The following RBP3 variants were observed in gnomAD, a reference collection of about 807,000 sequenced individuals.
The protein encoded by RBP3 is retinol-binding protein 3.
A neutral mutation model predicts 64.8 loss-of-function variants in RBP3; 50 were observed. The ratio of observed to expected loss-of-function variants is 0.77; its 90% CI spans 0.61 to 0.98. The LOEUF is 0.98. Among genes scored for constraint, RBP3 ranks in the 50% least tolerant of loss-of-function variants. RBP3 has a pLI of 0.00. For synonymous variants in RBP3, 828 were observed against 730.2 expected (o/e 1.13, Z -2.16); for missense variants, 1,712 against 1,660.5 (o/e 1.03, Z -0.54).
rs782036683 is a variant in RBP3, at chr10:47,352,065, C to A, written c.3054+527C>A. On this transcript the variant is annotated intron_variant, in intron 1 of 3. Coordinates refer to ENST00000584701, the MANE Select transcript of RBP3 (RefSeq NM_002900.3). The stretch of plus-strand genomic sequence containing the variant: ...CTGTTCTACCTGTGGTCTGCTGCAT[C>A]GTCACAATTGGGCAGGGCAGCATTT... 2.0e-5 allele frequency among the ~76,000 whole-genome samples: 3 copies of A among 152,232 alleles called. No individual in the cohort carries two copies. The East Asian group carries it at 5.8e-4, about 29-fold the overall frequency.
chr10:47,355,330 C>T (rs368420607), intron 2 of RBP3, 46 bp from the exon 3 acceptor site: 5 of 1,612,020 alleles, frequency 3.1e-6, no homozygotes, highest in Non-Finnish European at 4.2e-6. Context: ...CACAGGGCCT[C>T]ACTGTGAGCT....
chr10:47,348,666 T>G lies in RBP3; in HGVS notation c.182T>G (p.Ile61Ser). The G allele has an allele frequency of 6.2e-7, 1 of 1,613,566 alleles. No homozygotes were observed. Among genetic ancestry groups the G allele is most frequent in the Non-Finnish European group, 8.5e-7 (1 of 1,179,994 alleles). Residue 61 changes from isoleucine to serine, a missense_variant, in exon 1 of 4, where the codon ATT (isoleucine) becomes AGT (serine). By Grantham distance (142) the Ile-to-Ser change is moderately radical (BLOSUM62 -2). Transcript: ENST00000584701. ...CAGCAGGCCATCAAGAGCCATGAGA[T>G]TCTGAGCATCTCAGACCCGCAGACG... ...AIQQAIKSHEILSISDPQTLA... is the reference protein window; with the variant it reads ...AIQQAIKSHESLSISDPQTLA...
In RBP3 at chr10:47,357,317, G is replaced by T; in HGVS notation, c.3604G>T (p.Asp1202Tyr). ...CACGGCCCGTTCTGTGGGGGCCTCG[G>T]ATGGCAGCTCCTGGGAAGGGGTGGG... ...IPTARSVGAS[D>Y]GSSWEGVGVT... The change falls in exon 4 of 4, where the codon GAT becomes TAT. Residue 1202 changes from aspartate (D) to tyrosine (Y), a missense_variant. By Grantham distance (160) the Asp-to-Tyr change is radical (BLOSUM62 -3). Coordinates refer to ENST00000584701, the MANE Select transcript of RBP3 (RefSeq NM_002900.3). 6.2e-7 allele frequency: 1 copy of T among 1,614,172 alleles called. No homozygotes were observed. The highest frequency in any genetic ancestry group is 1.1e-5 in the South Asian group (1 of 91,082).
At position 47,355,483 on chromosome 10, in the gene RBP3, C is replaced by CT. The variant is rs781793052; in HGVS notation, c.3354dup (p.Val1119CysfsTer3). ...AAGATCTACAGCCGGCCTGATGACTCTGTCAGTGAACTCTGGACACACGCC... is the reference window on the plus strand; with the variant it reads ...AAGATCTACAGCCGGCCTGATGACTCTTGTCAGTGAACTCTGGACACACGCC... On this transcript the variant is annotated frameshift_variant, in exon 3 of 4. Transcript: ENST00000584701. LOFTEE classifies it low-confidence loss of function (END_TRUNC). 1 of 1,614,224 alleles carries CT rather than the reference C, an allele frequency of 6.2e-7. No individual in the cohort carries two copies. Among genetic ancestry groups the CT allele is most frequent in the East Asian group, 2.2e-5 (1 of 44,882 alleles).
rs1555210937 is a variant in RBP3 at position 47,349,007 on chromosome 10, G to T, written c.523G>T (p.Gly175Cys). ...LVLDLRHCTG[G>C]QVSGIPYIIS... ...GCTGGATCTCCGGCACTGCACAGGA[G>T]GCCAGGTCTCTGGCATTCCCTACAT... is the stretch of plus-strand genomic sequence containing the variant. The change falls in exon 1 of 4, where the codon GGC becomes TGC. Residue 175 changes from glycine (G) to cysteine (C), a missense_variant. Gly to Cys is a radical substitution (Grantham distance 159). Transcript: ENST00000584701. The T allele has an allele frequency of 6.2e-7, 1 of 1,613,908 alleles. No homozygotes were observed. Among genetic ancestry groups the T allele is most frequent in the East Asian group, 2.2e-5 (1 of 44,874 alleles).
Position 47,355,442 on chromosome 10 carries a change from T to C in RBP3, c.3312T>C (p.Pro1104=). ...GCTCCTACTTCTTTGATGAAGGCCCTCCAGTTCTGCTGGACAAGATCTACA... is the reference window on the plus strand; with the variant it reads ...GCTCCTACTTCTTTGATGAAGGCCCCCCAGTTCTGCTGGACAAGATCTACA... ...ILCSYFFDEG[P]PVLLDKIYSR... Residue 1104 remains proline, a synonymous_variant, in exon 3 of 4, where the codon CCT becomes CCC. Transcript: ENST00000584701. The C allele has an allele frequency of 6.2e-7, 1 of 1,614,160 alleles. No individual in the cohort carries two copies.
In RBP3 at chr10:47,348,900, C is replaced by T. The variant is rs147118201; in HGVS notation, c.416C>T (p.Pro139Leu). The T allele has an allele frequency of 6.2e-5, 100 of 1,613,714 alleles. No individual in the cohort carries two copies. The African/African-American group carries it at 8.7e-4, about 14-fold the overall frequency. Reference sequence around the variant, plus strand: ...GGCTACCTGCGGGTGGACAGCGTCCCGGGCCAGGAGGTGCTGAGCATGATG... The same window carrying T: ...GGCTACCTGCGGGTGGACAGCGTCCTGGGCCAGGAGGTGCTGAGCATGATG... ...NVGYLRVDSV[P>L]GQEVLSMMGE... The change falls in exon 1 of 4, where the codon CCG becomes CTG. Residue 139 changes from proline to leucine, a missense_variant. Pro to Leu is a moderately conservative substitution (Grantham distance 98). Coordinates refer to ENST00000584701, the MANE Select transcript of RBP3 (RefSeq NM_002900.3).
rs777713935 is a variant in RBP3, at chr10:47,357,303, C to T, written c.3590C>T (p.Ser1197Phe). ...TACCTCACTATCCCCACGGCCCGTT[C>T]TGTGGGGGCCTCGGATGGCAGCTCC... Reference protein sequence around the residue: ...NLYLTIPTARSVGASDGSSWE... With the variant: ...NLYLTIPTARFVGASDGSSWE... The change falls in exon 4 of 4, where the codon TCT becomes TTT. Residue 1197 changes from serine to phenylalanine, a missense_variant. By Grantham distance (155) the Ser-to-Phe change is radical. Transcript: ENST00000584701. 2.5e-6 allele frequency: 4 copies of T among 1,614,060 alleles called. No homozygotes were observed. Among genetic ancestry groups the T allele is most frequent in the Non-Finnish European group, 3.4e-6 (4 of 1,180,050 alleles).
Position 47,349,808 on chromosome 10 carries a change from C to G in RBP3, c.1324C>G (p.Leu442Val). The change falls in exon 1 of 4, where the codon CTG becomes GTG. Residue 442 changes from leucine to valine, a missense_variant. Coordinates refer to ENST00000584701, the MANE Select transcript of RBP3 (RefSeq NM_002900.3). ...GGTGCTGCCAGGCAATGTGGGCTAC[C>G]TGCGCTTCGATAGTTTTGCTGACGC... is the stretch of plus-strand genomic sequence containing the variant. ...VSVLPGNVGYLRFDSFADASV... is the reference protein window; with the variant it reads ...VSVLPGNVGYVRFDSFADASV... 6.2e-7 allele frequency: 1 copy of G among 1,613,286 alleles called. No homozygotes were observed. Among genetic ancestry groups the G allele is most frequent in the Non-Finnish European group, 8.5e-7 (1 of 1,180,032 alleles).
chr10:47,350,821 G>T lies in RBP3; in HGVS notation c.2337G>T (p.Val779=). 6.2e-7 allele frequency: 1 copy of T among 1,613,054 alleles called. No homozygotes were observed. The highest frequency in any genetic ancestry group is 1.1e-5 in the South Asian group (1 of 91,084). Residue 779 remains valine (V), a synonymous_variant, in exon 1 of 4, where the codon GTG becomes GTT. Coordinates refer to ENST00000584701, the MANE Select transcript of RBP3 (RefSeq NM_002900.3). The part of the protein sequence containing the change: ...WQQLVDTAAL[V]IDLRYNPGSY... Reference sequence around the variant, plus strand: ...AGCTGGTGGACACGGCTGCGCTGGTGATCGACCTGCGCTACAACCCTGGCA... The same window carrying T: ...AGCTGGTGGACACGGCTGCGCTGGTTATCGACCTGCGCTACAACCCTGGCA...
Position 47,349,435 on chromosome 10 carries a change from G to A in RBP3, c.951G>A (p.Leu317=), listed in dbSNP as rs782668255. ...CCGAGCAGGCCCTGGAGAAAGCCCT[G>A]GCCATCCTCACTCTGCGCAGCGCCC... The part of the protein sequence containing the change: ...TPAEQALEKA[L]AILTLRSALP... Residue 317 remains leucine (L), a synonymous_variant, in exon 1 of 4, where the codon CTG becomes CTA. Coordinates refer to ENST00000584701, the MANE Select transcript of RBP3 (RefSeq NM_002900.3). 3 of 1,612,332 alleles carry A rather than the reference G, an allele frequency of 1.9e-6. No homozygotes were observed. The highest frequency in any genetic ancestry group is 2.5e-6 in the Non-Finnish European group (3 of 1,180,014).
At position 47,357,635 on chromosome 10, in the gene RBP3, T is replaced by C; in HGVS notation, c.*178T>C. 1.7e-6 allele frequency: 1 copy of C among 587,252 alleles called. No individual in the cohort carries two copies. Among genetic ancestry groups the C allele is most frequent in the East Asian group, 2.8e-5 (1 of 35,560 alleles). 36.4% of individuals were successfully genotyped at this position (587,252 alleles called of 1,614,324 possible). A position where few individuals can be genotyped will look rare whatever the true frequency, so the allele number is the denominator to read the frequency against. On this transcript the variant is annotated 3_prime_UTR_variant, in exon 4 of 4. Coordinates refer to ENST00000584701, the MANE Select transcript of RBP3 (RefSeq NM_002900.3). ...ACACACACACACATGTATATACACA[T>C]ATATATGTGTATGTATATATATGTA...
rs781864925 is a variant in RBP3, at chr10:47,349,832, G to A, written c.1348G>A (p.Ala450Thr). Residue 450 changes from alanine to threonine, a missense_variant, in exon 1 of 4, where the codon GCC becomes ACC. Transcript: ENST00000584701. ...GYLRFDSFAD[A>T]SVLGVLAPYV... ...CCTGCGCTTCGATAGTTTTGCTGAC[G>A]CCTCCGTCCTGGGTGTGTTGGCCCC... 6.2e-6 allele frequency: 10 copies of A among 1,613,050 alleles called. No homozygotes were observed. The highest frequency in any genetic ancestry group is 2.2e-5 in the South Asian group (2 of 91,090).
rs199588885 is a variant in RBP3 at position 47,348,956 on chromosome 10, A to T, written c.472A>T (p.Asn158Tyr). ...GTTCCTGGTGGCCCACGTGTGGGGGAATCTCATGGGCACCTCCGCCTTAGT... is the reference window on the plus strand; with the variant it reads ...GTTCCTGGTGGCCCACGTGTGGGGGTATCTCATGGGCACCTCCGCCTTAGT... ...GEFLVAHVWG[N>Y]LMGTSALVLD... The change falls in exon 1 of 4, where the codon AAT (asparagine) becomes TAT (tyrosine). Residue 158 changes from asparagine to tyrosine, a missense_variant. Coordinates refer to ENST00000584701, the MANE Select transcript of RBP3 (RefSeq NM_002900.3). 1.9e-5 allele frequency: 30 copies of T among 1,613,556 alleles called. No homozygotes were observed. The Admixed American group carries it at 2.0e-4, about 11-fold the overall frequency.
In RBP3 at chr10:47,353,374, C is replaced by T. The variant is rs782294700; in HGVS notation, c.3104C>T (p.Thr1035Ile). 6.2e-7 allele frequency: 1 copy of T among 1,614,154 alleles called. No homozygotes were observed. The highest frequency in any genetic ancestry group is 8.5e-7 in the Non-Finnish European group (1 of 1,180,046). ...FEELIKFSFH[T>I]NVLEDNIGYL... ...GAGCTGATCAAGTTTTCCTTCCACA[C>T]TAACGTGCTTGAGGACAACATTGGC... Residue 1035 changes from threonine to isoleucine, a missense_variant, in exon 2 of 4, where the codon ACT (threonine) becomes ATT (isoleucine). Thr to Ile is a moderately conservative substitution (Grantham distance 89). Transcript: ENST00000584701.
chr10:47,350,804 G>A lies in RBP3; in HGVS notation c.2320G>A (p.Asp774Asn), dbSNP rs782484543. 24 of 1,612,944 alleles carry A rather than the reference G, an allele frequency of 1.5e-5. No homozygotes were observed. The East Asian group carries it at 4.2e-4, about 28-fold the overall frequency. The change falls in exon 1 of 4, where the codon GAC becomes AAC. Residue 774 changes from aspartate (D) to asparagine (N), a missense_variant. Transcript: ENST00000584701. Reference protein sequence around the residue: ...LVRLVWQQLVDTAALVIDLRY... With the variant: ...LVRLVWQQLVNTAALVIDLRY... ...GCGGCTGGTATGGCAACAGCTGGTG[G>A]ACACGGCTGCGCTGGTGATCGACCT... is the stretch of plus-strand genomic sequence containing the variant.
Position 47,350,414 on chromosome 10 carries a change from G to A in RBP3, c.1930G>A (p.Gly644Arg). The A allele has an allele frequency of 6.2e-7, 1 of 1,612,210 alleles. No individual in the cohort carries two copies. The highest frequency in any genetic ancestry group is 8.5e-7 in the Non-Finnish European group (1 of 1,179,794). Residue 644 changes from glycine to arginine, a missense_variant, in exon 1 of 4, where the codon GGG becomes AGG. By Grantham distance (125) the Gly-to-Arg change is moderately radical. Coordinates refer to ENST00000584701, the MANE Select transcript of RBP3 (RefSeq NM_002900.3). ...CCTGGGGGCCTTGGTGGAGGGCACA[G>A]GGCACCTGCTGGAGGCCCACTATGC... ...QSLGALVEGTGHLLEAHYARP... is the reference protein window; with the variant it reads ...QSLGALVEGTRHLLEAHYARP...
At position 47,350,891 on chromosome 10, in the gene RBP3, G is replaced by A. The variant is rs782632795; in HGVS notation, c.2407G>A (p.Ala803Thr). 3.2e-5 allele frequency: 51 copies of A among 1,610,770 alleles called. No homozygotes were observed. In the East Asian group the frequency reaches 4.5e-4, roughly 14 times the overall value. The change falls in exon 1 of 4, where the codon GCA becomes ACA. Residue 803 changes from alanine (A) to threonine (T), a missense_variant. Coordinates refer to ENST00000584701, the MANE Select transcript of RBP3 (RefSeq NM_002900.3). ...GCTGCTCTGCTCCTACTTCTTTGAG[G>A]CAGAGCCCCGCCAGCACCTGTATTC... The part of the protein sequence containing the change: ...IPLLCSYFFE[A>T]EPRQHLYSVF...
intron 3 of RBP3, among the ~76,000 whole-genome samples, chr10:47,356,658 C>T (rs182117375): frequency 6.6e-6 from 1 of 152,334 alleles, no homozygotes; most frequent in South Asian, 2.1e-4. Context: ...CCTAAAATGA[C>T]ATCTATGGCC....
Sources: allele counts gnomAD v4.1 joint callset (sites outside exome capture counted in the v4.1 genomes callset), GRCh38; gene constraint gnomAD v4.1.1; transcripts MANE v1.5; gene names NCBI Gene and HGNC (gene_info 2026-07-23, HGNC 2026-07-21).